CTNNA3: variants seen among roughly 807,000 people sequenced by gnomAD.
The protein encoded by CTNNA3 is catenin alpha-3.
Under a neutral mutation model 95.7 loss-of-function variants are expected in CTNNA3, and 76 were observed. That is an observed-to-expected ratio of 0.79 (90% CI 0.66 to 0.96). The LOEUF is 0.96. Ranked by LOEUF, CTNNA3 falls within the 40% of genes least tolerant of loss-of-function variation. The probability of loss-of-function intolerance (pLI) is 0.00; values close to 1 mark genes in which losing one functional copy is unlikely to be tolerated. For synonymous variants in CTNNA3, 431 were observed against 374.4 expected (o/e 1.15, Z -1.74); for missense variants, 1,191 against 1,089.8 (o/e 1.09, Z -1.31).
Position 66,477,197 on chromosome 10 carries a change from C to A in CTNNA3, c.1531+43420G>T, listed in dbSNP as rs116674158. Among the ~76,000 whole-genome samples, 901 of 152,112 alleles carry A rather than the reference C, an allele frequency of 5.9e-3. 11 individuals are homozygous for A. The highest frequency in any genetic ancestry group is 0.021 in the African/African-American group (858 of 41,518). On this transcript the variant is annotated intron_variant, in intron 11 of 17. Transcript: ENST00000433211. ...TGATATACATCAATTTTTATTTCTA[C>A]AAATTTTCCTTTGTGTTATTTGAAT...
chr10:66,018,476 CA>C (rs1279447244), intron 15 of CTNNA3, among the ~76,000 whole-genome samples: 3 of 151,972 alleles, frequency 2.0e-5, no homozygotes, highest in Admixed American at 1.3e-4. Context: ...GATAAACATC[CA>C]GATGGTTTTA....
At chr10:66,432,034 G>A (rs1289305084) in intron 11 of CTNNA3, among the ~76,000 whole-genome samples, 1 of 151,802 alleles carries the variant, frequency 6.6e-6, no homozygotes, top group Non-Finnish European at 1.5e-5. Flanking sequence ...TCAAAGCAAG[G>A]AAAAGTTTGT....
At chr10:66,501,939 T>C (rs1164465297) in intron 11 of CTNNA3, among the ~76,000 whole-genome samples, 1 of 152,154 alleles carries the variant, frequency 6.6e-6, no homozygotes, top group Non-Finnish European at 1.5e-5. Flanking sequence ...ATAACAAGTA[T>C]GAGAAAAGTT....
At chr10:66,220,357 T>A (rs1458096136) in intron 13 of CTNNA3, among the ~76,000 whole-genome samples, 1 of 152,168 alleles carries the variant, frequency 6.6e-6, no homozygotes, top group African/African-American at 2.4e-5. Flanking sequence ...TTCTCTGACT[T>A]GTTTACTCAG....
intron 4 of CTNNA3, among the ~76,000 whole-genome samples, chr10:67,538,325 C>T (rs1403928827): frequency 6.6e-6 from 1 of 151,974 alleles, no homozygotes; most frequent in Non-Finnish European, 1.5e-5. Context: ...CCTGTAATCC[C>T]AGCACTTTGG....
chr10:66,356,122 G>GTTTTGTTTTTTTTT (rs2092607422), intron 12 of CTNNA3, among the ~76,000 whole-genome samples: 1 of 117,236 alleles, frequency 8.5e-6, no homozygotes. Context: ...TGCTTGTTTT[G>GTTTTGTTTTTTTTT]TTTTTTTTTT....
At chr10:66,177,059 G>A (rs975753608) in intron 13 of CTNNA3, among the ~76,000 whole-genome samples, 59 of 152,040 alleles carry the variant, frequency 3.9e-4, no homozygotes, top group African/African-American at 1.2e-3. Flanking sequence ...GCTTAAATCC[G>A]TGTAACACTC....
intron 13 of CTNNA3, among the ~76,000 whole-genome samples, chr10:66,238,561 C>G (rs2089968483): frequency 6.6e-6 from 1 of 151,666 alleles, no homozygotes; most frequent in South Asian, 2.1e-4. Flanking sequence ...AAATAGCATG[C>G]GATGACTAAC....
intron 5 of CTNNA3, among the ~76,000 whole-genome samples, chr10:67,466,169 T>C (rs562743499): frequency 2.3e-4 from 35 of 152,330 alleles, no homozygotes; most frequent in African/African-American, 7.7e-4. Flanking sequence ...TTTTCTCTCT[T>C]CATCTGTACA....
chr10:67,352,977 A>C (rs1281412046), intron 5 of CTNNA3, among the ~76,000 whole-genome samples: 1 of 152,030 alleles, frequency 6.6e-6, no homozygotes, highest in Non-Finnish European at 1.5e-5. Context: ...GAAAATGTTA[A>C]AAGCAAAACA....
intron 12 of CTNNA3, among the ~76,000 whole-genome samples, chr10:66,370,799 T>C (rs2132461685): frequency 6.6e-6 from 1 of 152,298 alleles, no homozygotes; most frequent in African/African-American, 2.4e-5. Flanking sequence ...AGCCTCAAAC[T>C]CCTGGGCTCA....
intron 9 of CTNNA3, among the ~76,000 whole-genome samples, chr10:66,745,914 T>C (rs1838850607): frequency 6.6e-6 from 1 of 152,102 alleles, no homozygotes; most frequent in Non-Finnish European, 1.5e-5. Flanking sequence ...ACAGCCATTA[T>C]TTTAAGTGCT....
intron 5 of CTNNA3, among the ~76,000 whole-genome samples, chr10:67,493,561 CA>C (rs61570165): frequency 0.28 from 26,494 of 94,068 alleles, 4,480 homozygotes; most frequent in African/African-American, 0.55. Flanking sequence ...GACTCTGTCT[CA>C]AAAAAAAAAA....
intron 7 of CTNNA3, among the ~76,000 whole-genome samples, chr10:67,117,938 A>C (rs1859268892): frequency 6.6e-6 from 1 of 151,996 alleles, no homozygotes; most frequent in Non-Finnish European, 1.5e-5. Flanking sequence ...AAACGGGTAA[A>C]TGACTGCTTT....
In CTNNA3 at chr10:66,464,169, G is replaced by GT. The variant is rs1838801557; in HGVS notation, c.1531+56447dup. ...CTAGGGAACTTTAAACTTTGTTTCA[G>GT]TTTTTTCCAATGAACATGTATTATT... On this transcript the variant is annotated intron_variant, in intron 11 of 17. Coordinates refer to ENST00000433211, the MANE Select transcript of CTNNA3 (RefSeq NM_013266.4). Among the ~76,000 whole-genome samples, 5 of 152,134 alleles carry GT rather than the reference G, an allele frequency of 3.3e-5. No homozygotes were observed. The South Asian group carries it at 1.0e-3, about 31-fold the overall frequency.
chr10:66,921,436 C>T (rs917109567), intron 7 of CTNNA3, among the ~76,000 whole-genome samples: 45 of 152,138 alleles, frequency 3.0e-4, no homozygotes, highest in Admixed American at 2.7e-3. Context: ...GTTAGCTCCC[C>T]GTTTTCTCCA....
chr10:67,672,435 A>G (rs1018394300), intron 1 of CTNNA3, among the ~76,000 whole-genome samples: 38 of 152,266 alleles, frequency 2.5e-4, no homozygotes, highest in African/African-American at 8.7e-4. Flanking sequence ...GTCCTTGCCC[A>G]TGCCTATGTC....
At chr10:66,109,667 C>A (rs897331871) in intron 13 of CTNNA3, among the ~76,000 whole-genome samples, 2 of 152,068 alleles carry the variant, frequency 1.3e-5, no homozygotes. Flanking sequence ...AGTATGTAAA[C>A]TGAAAGTCAT....
At chr10:66,339,482 G>A (rs922707621) in intron 12 of CTNNA3, among the ~76,000 whole-genome samples, 2 of 151,726 alleles carry the variant, frequency 1.3e-5, no homozygotes, top group Non-Finnish European at 3.0e-5. Flanking sequence ...AAGATTAAAA[G>A]AAGAAATTGG....
Sources: gnomAD v4.1 joint callset for allele counts (sites outside exome capture counted in the v4.1 genomes callset) on GRCh38, gnomAD v4.1.1 for gene constraint, MANE v1.5 for transcripts, NCBI Gene and HGNC (gene_info 2026-07-23, HGNC 2026-07-21) for gene names.